BABAM1: variants seen among roughly 807,000 people sequenced by gnomAD.
BABAM1 encodes BRISC and BRCA1-A complex member 1.
A neutral mutation model predicts 34.4 loss-of-function variants in BABAM1; 14 were observed. That is an observed-to-expected ratio of 0.41 (90% confidence interval 0.27 to 0.64). The LOEUF (loss-of-function observed/expected upper bound fraction) is 0.64. Among genes scored for constraint, BABAM1 ranks in the 30% least tolerant of loss-of-function variants. The pLI is 0.34. For missense variants in BABAM1, 393 were observed against 434.0 expected (o/e 0.91, Z 0.84); for synonymous variants, 169 against 165.8 (o/e 1.02, Z -0.15).
chr19:17,270,890 C>T (rs2073832985), intron 2 of BABAM1, among the ~76,000 whole-genome samples: 1 of 151,878 alleles, frequency 6.6e-6, no homozygotes, highest in African/African-American at 2.4e-5. Context: ...CCAGGTTTCA[C>T]CCTGTTAGCC....
chr19:17,274,558 A>C, intron 5 of BABAM1: 2 of 190,626 alleles, frequency 1.0e-5, no homozygotes. Context: ...ACAGAGTGAG[A>C]CTCCGTCTTT....
intron 1 of BABAM1, among the ~76,000 whole-genome samples, chr19:17,268,356 G>A (rs990710780): frequency 1.2e-4 from 18 of 151,818 alleles, no homozygotes; most frequent in Non-Finnish European, 2.5e-4. Flanking sequence ...GCTGAGGAAA[G>A]TGACTCCCTA....
chr19:17,276,253 T>G (rs903966750), intron 6 of BABAM1: 1 of 578,440 alleles, frequency 1.7e-6, no homozygotes, highest in African/African-American at 1.9e-5. Context: ...GAGAATCGCT[T>G]GAACCTGGGA....
intron 6 of BABAM1, chr19:17,276,290 TCA>T: frequency 1.5e-6 from 1 of 689,048 alleles, no homozygotes; most frequent in Non-Finnish European, 2.4e-6. Context: ...AGCCGAGATC[TCA>T]CCATTGCACT....
At chr19:17,278,402 G>C (rs1338802462) in intron 8 of BABAM1, among the ~76,000 whole-genome samples, 1 of 149,930 alleles carries the variant, frequency 6.7e-6, no homozygotes, top group Non-Finnish European at 1.5e-5. Context: ...TCCGCCTCCC[G>C]GGTTTGCGCC....
intron 1 of BABAM1, 26 bp from the exon 2 acceptor site, chr19:17,268,768 G>T: frequency 6.5e-7 from 1 of 1,546,436 alleles, no homozygotes. Flanking sequence ...GAGGATTCTG[G>T]CTTCCCCTGT....
intron 1 of BABAM1, among the ~76,000 whole-genome samples, chr19:17,267,809 AT>A: frequency 6.6e-6 from 1 of 152,214 alleles, no homozygotes; most frequent in Non-Finnish European, 1.5e-5. Flanking sequence ...CAGTACTAAT[AT>A]TTTGCTTCTC....
rs373525448 is a variant in BABAM1 at position 17,271,580 on chromosome 19, C to T, written c.286-17C>T. The T allele has an allele frequency of 4.3e-6, 7 of 1,613,102 alleles. No individual in the cohort carries two copies. Among genetic ancestry groups the T allele is most frequent in the African/African-American group, 1.3e-5 (1 of 74,914 alleles). On this transcript the variant is annotated splice_polypyrimidine_tract_variant and intron_variant, in intron 2 of 8. Coordinates refer to ENST00000598188, the MANE Select transcript of BABAM1 (RefSeq NM_014173.4). ...TTAAGGTCAGAGGACGCTCACCACC[C>T]TCCAACTACCTTGCAGATTATCTGC...
chr19:17,267,739 C>T (rs544472778), intron 1 of BABAM1, among the ~76,000 whole-genome samples: 1 of 152,292 alleles, frequency 6.6e-6, no homozygotes, highest in Admixed American at 6.5e-5. Flanking sequence ...GAAGCCCGTG[C>T]CTATTTCCCA....
In BABAM1 at chr19:17,269,102, G is replaced by T; in HGVS notation, c.285+11G>T. ...TGTCCAGAGAAAGTGGTAAGTAGAG[G>T]GGGTGGCCTGGGGCTCTGAGATGCT... is the stretch of plus-strand genomic sequence containing the variant. On this transcript the variant is annotated intron_variant, in intron 2 of 8. Transcript: ENST00000598188. 6.3e-7 allele frequency: 1 copy of T among 1,582,906 alleles called. No homozygotes were observed. Among genetic ancestry groups the T allele is most frequent in the South Asian group, 1.1e-5 (1 of 87,306 alleles).
Position 17,276,852 on chromosome 19 carries a change from TG to T in BABAM1, c.730del (p.Asp244ThrfsTer16), listed in dbSNP as rs753794856. 2 of 1,605,440 alleles carry T rather than the reference TG, an allele frequency of 1.2e-6. No homozygotes were observed. Among genetic ancestry groups the T allele is most frequent in the Non-Finnish European group, 1.7e-6 (2 of 1,175,980 alleles). On this transcript the variant is annotated frameshift_variant, in exon 8 of 9. Transcript: ENST00000598188. LOFTEE classifies it high-confidence loss of function. ...KMFQCPYFFF[D>X]VVYIHNGTEE... ...TGTTCCAGTGCCCATATTTCTTCTT[TG>T]ACGTTGTTTACATCCACAATGGCAC...
At chr19:17,268,265 A>AG (rs1491134748) in intron 1 of BABAM1, among the ~76,000 whole-genome samples, 1 of 151,112 alleles carries the variant, frequency 6.6e-6, no homozygotes, top group African/African-American at 2.4e-5. Flanking sequence ...TAAAAAAAAA[A>AG]AGAGGAAAAA....
intron 8 of BABAM1, among the ~76,000 whole-genome samples, chr19:17,278,524 T>G (rs1246569615): frequency 1.3e-5 from 2 of 151,864 alleles, no homozygotes; most frequent in African/African-American, 4.8e-5. Flanking sequence ...TTAGCCAGGA[T>G]GGTCTTGATC....
At chr19:17,273,384 C>T (rs929327506) in intron 3 of BABAM1, among the ~76,000 whole-genome samples, 6 of 152,112 alleles carry the variant, frequency 3.9e-5, no homozygotes, top group Non-Finnish European at 5.9e-5. Context: ...CTAGGGGAAA[C>T]TTGAGCCCCA....
chr19:17,270,678 G>A (rs996413223), intron 2 of BABAM1, among the ~76,000 whole-genome samples: 3 of 148,692 alleles, frequency 2.0e-5, no homozygotes, highest in Admixed American at 1.3e-4. Context: ...GGCACTCACC[G>A]CCACACCCAA....
intron 3 of BABAM1, among the ~76,000 whole-genome samples, chr19:17,273,570 T>G (rs1164109757): frequency 7.4e-5 from 9 of 122,200 alleles, no homozygotes; most frequent in Non-Finnish European, 1.0e-4. Flanking sequence ...TTTTGTTTTT[T>G]TTTTTTTTTT....
chr19:17,271,947 T>G (rs575346492), intron 3 of BABAM1, among the ~76,000 whole-genome samples: 17 of 152,176 alleles, frequency 1.1e-4, no homozygotes, highest in African/African-American at 2.4e-4. Flanking sequence ...ATGTATGTAT[T>G]TATTTATTTT....
chr19:17,279,125 T>C lies in BABAM1; in HGVS notation c.*77T>C. 1 of 1,476,546 alleles carries C rather than the reference T, an allele frequency of 6.8e-7. No homozygotes were observed. The highest frequency in any genetic ancestry group is 9.2e-7 in the Non-Finnish European group (1 of 1,091,368). The allele number at this position is 1,476,546 out of a possible 1,614,324, so 91.5% of individuals were successfully genotyped here. The stretch of plus-strand genomic sequence containing the variant: ...GCCTTGGTTCTCAAACTGGGTTCCT[T>C]GGGACCTCCGGGGTGGGGGGGTTCC... On this transcript the variant is annotated 3_prime_UTR_variant, in exon 9 of 9. Transcript: ENST00000598188.
intron 8 of BABAM1, 193 bp downstream of exon 8, chr19:17,277,102 G>T: frequency 1.7e-6 from 1 of 587,242 alleles, no homozygotes; most frequent in Non-Finnish European, 3.0e-6. Context: ...CAGCCATTGG[G>T]ACGATGGTCC....
Sources: allele counts gnomAD v4.1 joint callset (sites outside exome capture counted in the v4.1 genomes callset), GRCh38; gene constraint gnomAD v4.1.1; transcripts MANE v1.5; gene names NCBI Gene and HGNC (gene_info 2026-07-23, HGNC 2026-07-21).